The following INTS6L variants were observed in gnomAD, a reference collection of about 807,000 sequenced individuals.
The protein encoded by INTS6L is integrator complex subunit 6 like, also known as integrator complex subunit 6-like.
Under a neutral mutation model 64.7 loss-of-function variants are expected in INTS6L, and 18 were observed. The observed-to-expected ratio is 0.28, with a 90% CI of 0.19 to 0.41. The LOEUF (loss-of-function observed/expected upper bound fraction) is 0.41, where lower values mean the gene tolerates loss of function less well. Ranked by LOEUF, INTS6L falls within the 10% of genes least tolerant of loss-of-function variation. The probability of loss-of-function intolerance (pLI) is 1.00; values close to 1 mark genes in which losing one functional copy is unlikely to be tolerated. For synonymous variants in INTS6L, 227 were observed against 235.9 expected, an observed-to-expected ratio of 0.96 and a Z score of 0.34; for missense variants, 533 against 661.0, an observed-to-expected ratio of 0.81 and a Z score of 2.12.
At chrX:135,557,471 A>G (rs1252017190) in intron 9 of INTS6L, among the ~76,000 whole-genome samples, 4 of 111,604 alleles carry the variant, frequency 3.6e-5, no homozygotes, top group East Asian at 2.8e-4. Context: ...GAGTTTGGAG[A>G]TAAGTATATA....
chrX:135,521,197 C>G lies in INTS6L; in HGVS notation c.112-44C>G, dbSNP rs200178696. The G allele has an allele frequency of 8.2e-5, 98 of 1,189,090 alleles. No homozygotes were observed. In the South Asian group the frequency reaches 1.0e-3, roughly 12 times the overall value. On this transcript the variant is annotated intron_variant, in intron 1 of 17. Coordinates refer to ENST00000639893, the MANE Select transcript of INTS6L (RefSeq NM_001351601.3). The stretch of plus-strand genomic sequence containing the variant: ...CTGTAACGTTTGTATCGCCCTCCCC[C>G]CTCCTTTCCTACGCGACCCCCTCCG...
At chrX:135,554,123 A>C (rs1556518186) in intron 8 of INTS6L, among the ~76,000 whole-genome samples, 1 of 111,991 alleles carries the variant, frequency 8.9e-6, no homozygotes, top group Non-Finnish European at 1.9e-5. Context: ...AGGGACTTAC[A>C]TTGTCTGAAC....
At chrX:135,535,592 G>C (rs1366703932) in intron 2 of INTS6L, among the ~76,000 whole-genome samples, 1 of 112,563 alleles carries the variant, frequency 8.9e-6, no homozygotes, top group Non-Finnish European at 1.9e-5. Flanking sequence ...AGAGATGACA[G>C]AATGCTAAGT....
intron 9 of INTS6L, among the ~76,000 whole-genome samples, chrX:135,565,229 G>A (rs2086912526): frequency 8.9e-6 from 1 of 111,784 alleles, no homozygotes; most frequent in Non-Finnish European, 1.9e-5. Context: ...TAGAGTAGCT[G>A]GTCTTCCAGT....
chrX:135,527,290 C>T (rs1182096510), intron 2 of INTS6L, among the ~76,000 whole-genome samples: 4 of 112,281 alleles, frequency 3.6e-5, no homozygotes, highest in Non-Finnish European at 7.5e-5. Flanking sequence ...ACGGCAGTCT[C>T]GGCATTCATT....
intron 9 of INTS6L, among the ~76,000 whole-genome samples, chrX:135,560,597 A>G (rs1024879626): frequency 1.3e-4 from 14 of 111,867 alleles, no homozygotes; most frequent in Non-Finnish European, 7.5e-5. Flanking sequence ...AATCTCAGCA[A>G]TTTGGGAAGC....
intron 13 of INTS6L, 67 bp downstream of exon 13, chrX:135,574,129 G>T: frequency 9.4e-7 from 1 of 1,068,123 alleles, no homozygotes. Flanking sequence ...ACAGGAAGGT[G>T]TTTATTGCAT....
At chrX:135,554,687 G>A (rs782171218) in intron 8 of INTS6L, among the ~76,000 whole-genome samples, 1 of 109,895 alleles carries the variant, frequency 9.1e-6, no homozygotes, top group Non-Finnish European at 1.9e-5. Flanking sequence ...AGTATATATT[G>A]GTGGTTTGGA....
At chrX:135,543,984 T>TA (rs1420788216) in intron 2 of INTS6L, among the ~76,000 whole-genome samples, 1 of 112,371 alleles carries the variant, frequency 8.9e-6, no homozygotes, top group African/African-American at 3.2e-5. Flanking sequence ...AACATTAAAA[T>TA]AAAAGACAAC....
Position 135,520,803 on chromosome X carries a change from AGAG to A in INTS6L, c.-185_-183del, listed in dbSNP as rs1556495543. 6.6e-5 allele frequency: 29 copies of A among 436,098 alleles called. No homozygotes were observed. Among genetic ancestry groups the A allele is most frequent in the Non-Finnish European group, 3.6e-5 (9 of 251,842 alleles). The allele number at this position is 436,098 out of a possible 1,213,427, so 35.9% of individuals were successfully genotyped here. A position where few individuals can be genotyped will look rare whatever the true frequency, so the allele number is the denominator to read the frequency against. ...CACACTTTCAAGTTCCCTTGGAGGGAGAGGAGGTGGGGCTGCAGAAAGAGGAGG... is the reference window on the plus strand; with the variant it reads ...CACACTTTCAAGTTCCCTTGGAGGGAGAGGTGGGGCTGCAGAAAGAGGAGG... On this transcript the variant is annotated 5_prime_UTR_variant, in exon 1 of 18. Transcript: ENST00000639893.
chrX:135,555,149 G>A (rs1156729628), intron 8 of INTS6L, among the ~76,000 whole-genome samples: 2 of 110,918 alleles, frequency 1.8e-5, no homozygotes, highest in South Asian at 3.8e-4. Context: ...TCGGCCTCCC[G>A]AAGTGCTAGG....
chrX:135,550,554 G>A (rs1408422036), intron 7 of INTS6L, among the ~76,000 whole-genome samples: 1 of 109,775 alleles, frequency 9.1e-6, no homozygotes, highest in Non-Finnish European at 1.9e-5. Flanking sequence ...TCTCCCTTGT[G>A]TGGGCTCAGG....
In INTS6L at chrX:135,569,398, C is replaced by A. The variant is rs1556526453; in HGVS notation, c.1254C>A (p.Ser418Arg). The A allele has an allele frequency of 8.4e-7, 1 of 1,190,381 alleles. No homozygotes were observed. Among genetic ancestry groups the A allele is most frequent in the East Asian group, 3.0e-5 (1 of 32,881 alleles). The stretch of plus-strand genomic sequence containing the variant: ...TGAAGTGGCGACAGGCTTTTGACAG[C>A]TACTTAAAAACTCTGCCTCCATACT... Reference protein sequence around the residue: ...PNLKWRQAFDSYLKTLPPYYL... With the variant: ...PNLKWRQAFDRYLKTLPPYYL... Residue 418 changes from serine to arginine, a missense_variant, in exon 10 of 18, where the codon AGC (serine) becomes AGA (arginine). Transcript: ENST00000639893.
At chrX:135,562,375 G>A (rs962956991) in intron 9 of INTS6L, among the ~76,000 whole-genome samples, 2 of 111,919 alleles carry the variant, frequency 1.8e-5, no homozygotes, top group Admixed American at 9.4e-5. Context: ...ATCTGTATTC[G>A]ATATCTACTC....
intron 2 of INTS6L, among the ~76,000 whole-genome samples, chrX:135,526,233 C>T (rs1270597332): frequency 9.0e-6 from 1 of 111,300 alleles, no homozygotes; most frequent in Non-Finnish European, 1.9e-5. Context: ...CGTCATTGCC[C>T]TCAGATTGGT....
At chrX:135,558,687 G>T (rs1159481072) in intron 9 of INTS6L, among the ~76,000 whole-genome samples, 2 of 111,564 alleles carry the variant, frequency 1.8e-5, no homozygotes, top group Non-Finnish European at 3.8e-5. Context: ...CTGTGGCACA[G>T]CAATATGCAT....
At chrX:135,523,482 T>A (rs1402567676) in intron 2 of INTS6L, among the ~76,000 whole-genome samples, 6 of 109,878 alleles carry the variant, frequency 5.5e-5, no homozygotes, top group Non-Finnish European at 1.1e-4. Context: ...TTAAAGATAG[T>A]TTTCCATCTG....
At chrX:135,532,007 T>C (rs1418078963) in intron 2 of INTS6L, among the ~76,000 whole-genome samples, 7 of 111,919 alleles carry the variant, frequency 6.3e-5, no homozygotes, top group Non-Finnish European at 3.8e-5. Flanking sequence ...ATTATAATGA[T>C]GAGAAGTTGC....
At chrX:135,565,339 AT>A (rs2086916388) in intron 9 of INTS6L, among the ~76,000 whole-genome samples, 2 of 111,911 alleles carry the variant, frequency 1.8e-5, no homozygotes, top group African/African-American at 6.5e-5. Flanking sequence ...AAGGCATGAC[AT>A]AATGGTTAAG....
Sources: gnomAD v4.1 joint callset for allele counts (sites outside exome capture counted in the v4.1 genomes callset) on GRCh38, gnomAD v4.1.1 for gene constraint, MANE v1.5 for transcripts, NCBI Gene and HGNC (gene_info 2026-07-23, HGNC 2026-07-21) for gene names.